Variants in FOCAD observed in about 807,000 individuals in gnomAD.
FOCAD encodes the protein KIAA1797.
FOCAD carries 198 observed loss-of-function variants against 225.6 expected under a neutral mutation model. That is an observed-to-expected ratio of 0.88 (90% CI 0.78 to 0.99). The LOEUF (loss-of-function observed/expected upper bound fraction) is 0.99, where lower values mean the gene tolerates loss of function less well. Among genes scored for constraint, FOCAD ranks in the 50% least tolerant of loss-of-function variants. FOCAD has a pLI of 0.00. For synonymous variants in FOCAD, 897 were observed against 755.0 expected, an observed-to-expected ratio of 1.19 and a Z score of -3.08; for missense variants, 2,713 against 2,123.6, an observed-to-expected ratio of 1.28 and a Z score of -5.46.
chr9:20,818,872 C>A (rs1361873951), intron 11 of FOCAD, among the ~76,000 whole-genome samples: 2 of 151,970 alleles, frequency 1.3e-5, no homozygotes, highest in East Asian at 3.9e-4. Flanking sequence ...TTTACACATG[C>A]GTTTATGATC....
At chr9:20,755,353 C>T (rs1185953370) in intron 5 of FOCAD, among the ~76,000 whole-genome samples, 3 of 152,186 alleles carry the variant, frequency 2.0e-5, no homozygotes. Flanking sequence ...GCAAAACAGG[C>T]CTTCAGCATC....
At chr9:20,915,996 G>A (rs749273816) in intron 23 of FOCAD, among the ~76,000 whole-genome samples, 1 of 152,066 alleles carries the variant, frequency 6.6e-6, no homozygotes, top group Admixed American at 6.6e-5. Context: ...ATACAAGATT[G>A]AGATCTATAG....
rs75260263 is a variant in FOCAD, at chr9:20,852,576, A to G, written c.1921-10002A>G. Among the ~76,000 whole-genome samples the G allele has an allele frequency of 2.3e-3, 352 of 151,922 alleles. 10 individuals carry two copies. In the East Asian group the frequency reaches 0.044, roughly 19 times the overall value. On this transcript the variant is annotated intron_variant, in intron 15 of 43. Transcript: ENST00000338382. ...CTTAGAAATGCATTCGTGGAATTCT[A>G]TCTTTGTAAAGTGGACTAAACTCAA... is the stretch of plus-strand genomic sequence containing the variant.
At chr9:20,947,335 G>T (rs577481547) in intron 30 of FOCAD, among the ~76,000 whole-genome samples, 16 of 152,256 alleles carry the variant, frequency 1.1e-4, no homozygotes, top group African/African-American at 3.6e-4. Flanking sequence ...AGGAAGTTCT[G>T]ATATGTACTA....
chr9:20,789,952 T>A (rs1208887569), intron 11 of FOCAD, among the ~76,000 whole-genome samples: 1 of 152,222 alleles, frequency 6.6e-6, no homozygotes, highest in East Asian at 1.9e-4. Flanking sequence ...TTAGTTCTAA[T>A]GTTGATCATT....
At chr9:20,795,261 C>G (rs1820927497) in intron 11 of FOCAD, among the ~76,000 whole-genome samples, 1 of 152,024 alleles carries the variant, frequency 6.6e-6, no homozygotes, top group Non-Finnish European at 1.5e-5. Context: ...AATAATATAA[C>G]AAAAGGAAAA....
At chr9:20,974,771 G>A (rs533223213) in intron 35 of FOCAD, among the ~76,000 whole-genome samples, 1 of 145,194 alleles carries the variant, frequency 6.9e-6, no homozygotes, top group Non-Finnish European at 1.5e-5. Flanking sequence ...CCCCATTTTA[G>A]CATCTGCTAA....
chr9:20,920,072 G>A (rs1289610981), intron 24 of FOCAD, among the ~76,000 whole-genome samples: 3 of 152,074 alleles, frequency 2.0e-5, no homozygotes, highest in Non-Finnish European at 4.4e-5. Flanking sequence ...ATCTGACAAA[G>A]GGCTAATATC....
chr9:20,977,903 G>A (rs1282530961), intron 36 of FOCAD, among the ~76,000 whole-genome samples: 1 of 152,134 alleles, frequency 6.6e-6, no homozygotes, highest in Non-Finnish European at 1.5e-5. Flanking sequence ...GGTGCTGATT[G>A]GAATCTTATT....
rs779957884 is a variant in FOCAD, at chr9:20,949,632, A to G, written c.3905A>G (p.His1302Arg). 1.2e-6 allele frequency: 2 copies of G among 1,613,118 alleles called. No homozygotes were observed. The highest frequency in any genetic ancestry group is 1.7e-6 in the Non-Finnish European group (2 of 1,179,412). Residue 1302 changes from histidine (H) to arginine (R), a missense_variant, in exon 33 of 44, where the codon CAT (histidine) becomes CGT (arginine). His to Arg is a conservative substitution (Grantham distance 29). Transcript: ENST00000338382. Reference protein sequence around the residue: ...QLKSEAIQTSHFQGRLNEVIR... With the variant: ...QLKSEAIQTSRFQGRLNEVIR... ...AAATCAGAAGCCATCCAGACCTCTC[A>G]TTTTCAAGGCAGACTTAATGAAGTC... is the stretch of plus-strand genomic sequence containing the variant.
intron 1 of FOCAD, among the ~76,000 whole-genome samples, chr9:20,693,671 T>G (rs1472996157): frequency 6.6e-6 from 1 of 152,176 alleles, no homozygotes; most frequent in East Asian, 1.9e-4. Context: ...CTGAGGAAAT[T>G]CCTGGTCTCC....
intron 35 of FOCAD, among the ~76,000 whole-genome samples, chr9:20,959,353 A>G (rs1838486865): frequency 6.6e-6 from 1 of 151,996 alleles, no homozygotes; most frequent in Non-Finnish European, 1.5e-5. Context: ...TTTGAGAAAT[A>G]TCTGTTAATT....
chr9:20,759,080 A>G (rs1194292160), intron 6 of FOCAD, among the ~76,000 whole-genome samples: 13 of 152,188 alleles, frequency 8.5e-5, no homozygotes, highest in Admixed American at 6.5e-4. Context: ...GGACCTCTTC[A>G]AGGAGAACTA....
chr9:20,882,045 C>CT lies in FOCAD; in HGVS notation c.2493dup (p.Gly832TrpfsTer11), dbSNP rs1292132629. On this transcript the variant is annotated frameshift_variant, in exon 20 of 44. Coordinates refer to ENST00000338382, the MANE Select transcript of FOCAD (RefSeq NM_001375567.1). LOFTEE classifies it high-confidence loss of function. ...ACAAACAAGCAACCAGGACTGAAAC[C>CT]TGGCCTTGCAGGTAAGGGTAGTACA... 2 of 1,612,686 alleles carry CT rather than the reference C, an allele frequency of 1.2e-6. No individual in the cohort carries two copies. The highest frequency in any genetic ancestry group is 2.7e-5 in the African/African-American group (2 of 74,752).
intron 8 of FOCAD, among the ~76,000 whole-genome samples, chr9:20,774,625 A>G (rs894715665): frequency 2.0e-5 from 3 of 152,384 alleles, no homozygotes; most frequent in South Asian, 2.1e-4. Context: ...GATGCACTTC[A>G]GTCTATCACA....
intron 8 of FOCAD, among the ~76,000 whole-genome samples, chr9:20,773,726 G>A (rs1197516554): frequency 6.6e-6 from 1 of 152,128 alleles, no homozygotes; most frequent in African/African-American, 2.4e-5. Flanking sequence ...TCTTTTAAGT[G>A]TCTTTCCAAT....
chr9:20,888,738 T>C (rs1452432133), intron 21 of FOCAD, among the ~76,000 whole-genome samples: 4 of 152,110 alleles, frequency 2.6e-5, no homozygotes, highest in African/African-American at 4.8e-5. Flanking sequence ...ACTGTTCTCA[T>C]GATAGTGAAT....
At chr9:20,968,334 C>G (rs1209250524) in intron 35 of FOCAD, among the ~76,000 whole-genome samples, 1 of 138,388 alleles carries the variant, frequency 7.2e-6, no homozygotes, top group African/African-American at 2.7e-5. Flanking sequence ...TTTGCATGCT[C>G]TTTATGTTTT....
intron 11 of FOCAD, among the ~76,000 whole-genome samples, chr9:20,799,237 T>C (rs1176540492): frequency 6.6e-6 from 1 of 152,232 alleles, no homozygotes; most frequent in East Asian, 1.9e-4. Context: ...TGTGTTCTTT[T>C]ACATTTGCTG....
Sources: gnomAD v4.1 joint callset for allele counts (sites outside exome capture counted in the v4.1 genomes callset) on GRCh38, gnomAD v4.1.1 for gene constraint, MANE v1.5 for transcripts, NCBI Gene and HGNC (gene_info 2026-07-23, HGNC 2026-07-21) for gene names.